PPFIBP1: variants seen among roughly 807,000 people sequenced by gnomAD.
The protein encoded by PPFIBP1 is PPFIB scaffold protein 1.
A neutral mutation model predicts 137.8 loss-of-function variants in PPFIBP1; 112 were observed. That is an observed-to-expected ratio of 0.81 (90% confidence interval 0.70 to 0.95). PPFIBP1 has a LOEUF of 0.95. Among genes scored for constraint, PPFIBP1 ranks in the 40% least tolerant of loss-of-function variants. The probability of loss-of-function intolerance (pLI) is 0.00; values close to 1 mark genes in which losing one functional copy is unlikely to be tolerated. For missense variants in PPFIBP1, 1,083 were observed against 1,196.6 expected, an observed-to-expected ratio of 0.91 and a Z score of 1.40; for synonymous variants, 378 against 417.3, an observed-to-expected ratio of 0.91 and a Z score of 1.15.
intron 2 of PPFIBP1, among the ~76,000 whole-genome samples, chr12:27,619,517 T>C (rs896737793): frequency 6.6e-6 from 1 of 152,198 alleles, no homozygotes; most frequent in South Asian, 2.1e-4. Context: ...ACCCAGAAGA[T>C]ATTTTTATAG....
At position 27,555,908 on chromosome 12, in the gene PPFIBP1, G is replaced by A. The variant is rs370314127; in HGVS notation, c.-123-22244G>A. Among the ~76,000 whole-genome samples, 13 of 152,122 alleles carry A rather than the reference G, an allele frequency of 8.5e-5. No individual in the cohort carries two copies. In the East Asian group the frequency reaches 1.7e-3, roughly 20 times the overall value. The stretch of plus-strand genomic sequence containing the variant: ...TTGAAAGAGACTTTGCATAAAAAAA[G>A]CAATTACTTATTTGTCCATGTTAAA... On this transcript the variant is annotated intron_variant, in intron 1 of 29. Transcript: ENST00000228425.
At chr12:27,676,623 G>A (rs760622128) in intron 18 of PPFIBP1, 24 bp downstream of exon 18, 8 of 1,519,080 alleles carry the variant, frequency 5.3e-6, no homozygotes, top group African/African-American at 1.4e-5. Context: ...AAATGCCTTT[G>A]CCCTAATTCT....
chr12:27,546,767 T>G (rs918523911), intron 1 of PPFIBP1, among the ~76,000 whole-genome samples: 6 of 152,144 alleles, frequency 3.9e-5, no homozygotes, highest in Non-Finnish European at 8.8e-5. Context: ...AATCCCAGCA[T>G]TTTGGGGAGA....
At chr12:27,603,554 C>T (rs1224306924) in intron 2 of PPFIBP1, among the ~76,000 whole-genome samples, 1 of 152,194 alleles carries the variant, frequency 6.6e-6, no homozygotes, top group Non-Finnish European at 1.5e-5. Context: ...TGGATTGGAG[C>T]CTCCACCAGG....
rs748034000 is a variant in PPFIBP1, at chr12:27,691,844, A to G, written c.2781A>G (p.Ala927=). ...TTTGTCCAATGGAATTGGGACAGGCATCAGGAAGTGCATCTAAGAAAGGAT... is the reference window on the plus strand; with the variant it reads ...TTTGTCCAATGGAATTGGGACAGGCGTCAGGAAGTGCATCTAAGAAAGGAT... ...EYVCPMELGQ[A]SGSASKKGFK... Residue 927 remains alanine, a synonymous_variant, in exon 28 of 30, where the codon GCA becomes GCG. Transcript: ENST00000228425. The G allele has an allele frequency of 2.5e-6, 4 of 1,613,974 alleles. No individual in the cohort carries two copies. The highest frequency in any genetic ancestry group is 4.5e-5 in the East Asian group (2 of 44,880).
At chr12:27,635,569 T>G in intron 4 of PPFIBP1, 1 of 186,836 alleles carries the variant, frequency 5.4e-6, no homozygotes, top group Non-Finnish European at 1.1e-5. Flanking sequence ...TCTAGTGGTT[T>G]ATGGCAATCA....
intron 2 of PPFIBP1, among the ~76,000 whole-genome samples, chr12:27,596,868 C>T (rs763047341): frequency 4.6e-5 from 7 of 152,204 alleles, no homozygotes; most frequent in East Asian, 3.8e-4. Context: ...TGATCATAAA[C>T]CCAGAACCTA....
chr12:27,647,803 CAG>C lies in PPFIBP1; in HGVS notation c.438_439del (p.Lys147GlyfsTer15), dbSNP rs1565936128. 6.2e-7 allele frequency: 1 copy of C among 1,611,856 alleles called. No homozygotes were observed. Among genetic ancestry groups the C allele is most frequent in the Non-Finnish European group, 8.5e-7 (1 of 1,179,160 alleles). On this transcript the variant is annotated frameshift_variant, in exon 6 of 30. Coordinates refer to ENST00000228425, the MANE Select transcript of PPFIBP1 (RefSeq NM_003622.4). LOFTEE classifies it high-confidence loss of function. ...RDLEFCLEEH[R>X]EKVNATEEML... ...ATTTGGAGTTTTGTCTTGAAGAGCA[CAG>C]AGAGAAGGTGAATGCCACAGAAGAA...
chr12:27,689,737 A>G (rs1286593879), intron 27 of PPFIBP1, among the ~76,000 whole-genome samples: 3 of 151,752 alleles, frequency 2.0e-5, no homozygotes, highest in Non-Finnish European at 4.4e-5. Flanking sequence ...TCCCTTAACT[A>G]TAGTTGGTGC....
chr12:27,678,856 C>CAA (rs60834907), intron 19 of PPFIBP1, among the ~76,000 whole-genome samples: 1,695 of 98,740 alleles, frequency 0.017, 95 homozygotes, highest in Non-Finnish European at 0.023. Context: ...GACTCTGTCT[C>CAA]AAAAAAAAAA....
intron 13 of PPFIBP1, among the ~76,000 whole-genome samples, chr12:27,667,703 C>T (rs752770644): frequency 2.0e-5 from 3 of 152,242 alleles, no homozygotes; most frequent in African/African-American, 7.2e-5. Flanking sequence ...ATGAGCATCT[C>T]GTCTCTGCTC....
At chr12:27,578,857 C>A (rs563993235) in intron 2 of PPFIBP1, among the ~76,000 whole-genome samples, 3 of 152,270 alleles carry the variant, frequency 2.0e-5, no homozygotes, top group African/African-American at 7.2e-5. Flanking sequence ...TTCAAGGCAC[C>A]CTTGCAGGGT....
At position 27,687,353 on chromosome 12, in the gene PPFIBP1, C is replaced by T. The variant is rs113535352; in HGVS notation, c.2248-32C>T. 2.4e-5 allele frequency: 38 copies of T among 1,610,296 alleles called. 1 individual carries two copies. In the African/African-American group the frequency reaches 3.3e-4, roughly 14 times the overall value. On this transcript the variant is annotated intron_variant, in intron 24 of 29. Coordinates refer to ENST00000228425, the MANE Select transcript of PPFIBP1 (RefSeq NM_003622.4). ...AAAGTCCTCCTGCTACAGGCCAGCA[C>T]AGTGAGCTCCTCCTTTTGTTCTTTT...
intron 2 of PPFIBP1, among the ~76,000 whole-genome samples, chr12:27,596,494 C>A (rs1328987222): frequency 2.0e-5 from 3 of 152,012 alleles, no homozygotes; most frequent in Non-Finnish European, 4.4e-5. Flanking sequence ...GTAACATGTT[C>A]CCCAGCATTT....
At chr12:27,590,582 A>G (rs12099955) in intron 2 of PPFIBP1, among the ~76,000 whole-genome samples, 39,357 of 152,100 alleles carry the variant, frequency 0.26, 5,280 homozygotes, top group Middle Eastern at 0.32. Flanking sequence ...AAAAGTACAA[A>G]TCATGGCAAG....
intron 1 of PPFIBP1, among the ~76,000 whole-genome samples, chr12:27,570,079 G>T (rs905321234): frequency 1.3e-5 from 2 of 152,028 alleles, no homozygotes; most frequent in African/African-American, 4.8e-5. Flanking sequence ...GATTTTTTGT[G>T]TGTTTTGGTA....
At chr12:27,621,979 C>T (rs769349375) in intron 2 of PPFIBP1, among the ~76,000 whole-genome samples, 3 of 152,234 alleles carry the variant, frequency 2.0e-5, no homozygotes, top group Non-Finnish European at 2.9e-5. Context: ...AGCAGTCCAA[C>T]TACGTGACTG....
chr12:27,547,755 C>T (rs1390771154), intron 1 of PPFIBP1: 2 of 152,314 alleles, frequency 1.3e-5, no homozygotes, highest in Non-Finnish European at 2.9e-5. Context: ...TGTTTGCCTA[C>T]ATCAGCTAAT....
chr12:27,655,095 G>C, intron 8 of PPFIBP1: 1 of 1,363,188 alleles, frequency 7.3e-7, no homozygotes. Context: ...TATTTAGCTT[G>C]TCTTTTTCTA....
Sources: gnomAD v4.1 joint callset for allele counts (sites outside exome capture counted in the v4.1 genomes callset) on GRCh38, gnomAD v4.1.1 for gene constraint, MANE v1.5 for transcripts, NCBI Gene and HGNC (gene_info 2026-07-23, HGNC 2026-07-21) for gene names.